The following ADAMTS2 variants were observed in gnomAD, a reference collection of about 807,000 sequenced individuals.
The protein encoded by ADAMTS2 is A disintegrin and metalloproteinase with thrombospondin motifs 2.
Under a neutral mutation model 123.0 loss-of-function variants are expected in ADAMTS2, and 50 were observed. The ratio of observed to expected loss-of-function variants is 0.41; its 90% CI spans 0.32 to 0.51. The LOEUF (loss-of-function observed/expected upper bound fraction) is 0.51. ADAMTS2 is among the 20% of genes least tolerant of loss of function. ADAMTS2 has a pLI of 0.35. For missense variants in ADAMTS2, 1,494 were observed against 1,705.2 expected (o/e 0.88, Z 2.18); for synonymous variants, 678 against 695.4 (o/e 0.98, Z 0.39).
intron 3 of ADAMTS2, 27 bp from the exon 4 acceptor site, chr5:179,207,742 C>A: frequency 3.7e-6 from 6 of 1,604,002 alleles, no homozygotes; most frequent in African/African-American, 1.3e-5. Flanking sequence ...CCGTCTTCAG[C>A]GGCAGGGCAA....
At chr5:179,280,455 A>G (rs764562154) in intron 2 of ADAMTS2, among the ~76,000 whole-genome samples, 2 of 152,174 alleles carry the variant, frequency 1.3e-5, no homozygotes, top group Non-Finnish European at 2.9e-5. Context: ...ATTACTGCTT[A>G]TCCTGTTTAT....
chr5:179,315,673 A>G (rs546173197), intron 2 of ADAMTS2, among the ~76,000 whole-genome samples: 2 of 152,300 alleles, frequency 1.3e-5, no homozygotes, highest in African/African-American at 4.8e-5. Flanking sequence ...TGAAACAACG[A>G]TCCTTCCAGA....
intron 3 of ADAMTS2, among the ~76,000 whole-genome samples, chr5:179,246,192 A>G (rs1325145045): frequency 2.6e-5 from 4 of 152,090 alleles, no homozygotes; most frequent in Non-Finnish European, 4.4e-5. Flanking sequence ...TAGGTTGCTG[A>G]TACCAACCTA....
At chr5:179,276,938 C>T (rs537922456) in intron 2 of ADAMTS2, among the ~76,000 whole-genome samples, 1 of 152,300 alleles carries the variant, frequency 6.6e-6, no homozygotes, top group East Asian at 1.9e-4. Flanking sequence ...ACTCTCTGGC[C>T]GGAGTAACCC....
At chr5:179,154,502 C>T (rs1198229104) in intron 7 of ADAMTS2, among the ~76,000 whole-genome samples, 1 of 152,236 alleles carries the variant, frequency 6.6e-6, no homozygotes, top group African/African-American at 2.4e-5. Context: ...AACCTCCGAG[C>T]CTCCTCTATA....
intron 4 of ADAMTS2, among the ~76,000 whole-genome samples, chr5:179,192,783 C>G (rs912668524): frequency 1.3e-5 from 2 of 152,238 alleles, no homozygotes; most frequent in African/African-American, 2.4e-5. Context: ...GCCTCGGGTG[C>G]TGTCCCATCC....
intron 5 of ADAMTS2, among the ~76,000 whole-genome samples, chr5:179,179,009 A>G (rs1763990009): frequency 6.6e-6 from 1 of 152,086 alleles, no homozygotes; most frequent in Non-Finnish European, 1.5e-5. Flanking sequence ...CAGTGGTGTG[A>G]TCTCAGCTCA....
Position 179,113,610 on chromosome 5 carries a change from A to G in ADAMTS2, c.*257T>C. On this transcript the variant is annotated 3_prime_UTR_variant, in exon 22 of 22. Coordinates refer to ENST00000251582, the MANE Select transcript of ADAMTS2 (RefSeq NM_014244.5). Reference sequence around the variant, plus strand: ...CCCTGCCCTCACTGAGGGAGGCCATACAGCCTCTATATTCCTCTCCACTGC... The same window carrying G: ...CCCTGCCCTCACTGAGGGAGGCCATGCAGCCTCTATATTCCTCTCCACTGC... 1.9e-6 allele frequency: 1 copy of G among 527,716 alleles called. No homozygotes were observed. The highest frequency in any genetic ancestry group is 3.4e-5 in the East Asian group (1 of 29,340). The allele number at this position is 527,716 out of a possible 1,614,324, so 32.7% of individuals were successfully genotyped here.
In ADAMTS2 at chr5:179,132,962, A is replaced by C; in HGVS notation, c.2086-62T>G. On this transcript the variant is annotated intron_variant, in intron 13 of 21. Coordinates refer to ENST00000251582, the MANE Select transcript of ADAMTS2 (RefSeq NM_014244.5). This position sits in a 1 kb window ranked among gnomAD's most constrained non-coding sequence, Gnocchi z 6.1. ...CTGCTAGTAGAGTCAGGGTCATACT[A>C]TGTTGCCCCCAGTCTCGAACACCTG... 2 of 1,586,964 alleles carry C rather than the reference A, an allele frequency of 1.3e-6. No homozygotes were observed. The highest frequency in any genetic ancestry group is 8.6e-7 in the Non-Finnish European group (1 of 1,167,806).
In ADAMTS2 at chr5:179,256,667, G is replaced by T. The variant is rs1581224317; in HGVS notation, c.688+16244C>A. On this transcript the variant is annotated intron_variant, in intron 3 of 21. Coordinates refer to ENST00000251582, the MANE Select transcript of ADAMTS2 (RefSeq NM_014244.5). The surrounding 1 kb of genome is among the most constrained non-coding windows in gnomAD (Gnocchi z 4.1). ...GGGGGGGCCAGGCACGAATCGGCAG[G>T]GAGGGAGGGGTTGTGTTCGCCCATC... Among the ~76,000 whole-genome samples, 1 of 152,304 alleles carries T rather than the reference G, an allele frequency of 6.6e-6. No individual in the cohort carries two copies. The highest frequency in any genetic ancestry group is 1.9e-4 in the East Asian group (1 of 5,170).
intron 1 of ADAMTS2, among the ~76,000 whole-genome samples, chr5:179,344,443 G>A (rs901718273): frequency 1.3e-5 from 2 of 152,176 alleles, no homozygotes; most frequent in East Asian, 3.9e-4. Flanking sequence ...CAGGGTTGGG[G>A]CTCGGTGGGA....
intron 3 of ADAMTS2, among the ~76,000 whole-genome samples, chr5:179,241,162 T>C (rs1293724637): frequency 6.6e-6 from 1 of 152,212 alleles, no homozygotes; most frequent in Admixed American, 6.5e-5. Flanking sequence ...GAGCGGAAGA[T>C]AGGAGTGAAC....
At position 179,158,982 on chromosome 5, in the gene ADAMTS2, C is replaced by T; in HGVS notation, c.976-103G>A. 6.9e-7 allele frequency: 1 copy of T among 1,454,500 alleles called. No homozygotes were observed. Among genetic ancestry groups the T allele is most frequent in the Non-Finnish European group, 9.3e-7 (1 of 1,070,650 alleles). 90.1% of individuals were successfully genotyped at this position (1,454,500 alleles called of 1,614,324 possible). Reference sequence around the variant, plus strand: ...TTGACAGACCCCATCCACTGGGAATCTGTTCCAGGTGGTACAAAGGCCCTG... The same window carrying T: ...TTGACAGACCCCATCCACTGGGAATTTGTTCCAGGTGGTACAAAGGCCCTG... On this transcript the variant is annotated intron_variant, in intron 5 of 21. Transcript: ENST00000251582. This position sits in a 1 kb window ranked among gnomAD's most constrained non-coding sequence, Gnocchi z 5.0.
chr5:179,256,633 A>C lies in ADAMTS2; in HGVS notation c.688+16278T>G, dbSNP rs542473365. ...CACTGCAAACCAGGCAGGCGGGGCCAGCATGAGTGGGGGGGCCAGGCACGA... is the reference window on the plus strand; with the variant it reads ...CACTGCAAACCAGGCAGGCGGGGCCCGCATGAGTGGGGGGGCCAGGCACGA... On this transcript the variant is annotated intron_variant, in intron 3 of 21. Transcript: ENST00000251582. The surrounding 1 kb of genome is among the most constrained non-coding windows in gnomAD (Gnocchi z 4.1). 6.6e-6 allele frequency among the ~76,000 whole-genome samples: 1 copy of C among 152,182 alleles called. No individual in the cohort carries two copies. Among genetic ancestry groups the C allele is most frequent in the African/African-American group, 2.4e-5 (1 of 41,428 alleles).
At chr5:179,149,214 G>T (rs1055741283) in intron 10 of ADAMTS2, among the ~76,000 whole-genome samples, 1 of 152,236 alleles carries the variant, frequency 6.6e-6, no homozygotes, top group African/African-American at 2.4e-5. Flanking sequence ...GCCCTCATGA[G>T]TGGGACTGAT....
intron 2 of ADAMTS2, among the ~76,000 whole-genome samples, chr5:179,300,747 C>CT (rs1756492403): frequency 6.6e-6 from 1 of 152,204 alleles, no homozygotes; most frequent in Non-Finnish European, 1.5e-5. Context: ...CAAAAGTGCA[C>CT]TTTAAGGCCA....
rs566284455 is a variant in ADAMTS2, at chr5:179,256,447, G to A, written c.688+16464C>T. Among the ~76,000 whole-genome samples, 18 of 152,282 alleles carry A rather than the reference G, an allele frequency of 1.2e-4. No individual in the cohort carries two copies. The East Asian group carries it at 3.1e-3, about 26-fold the overall frequency. On this transcript the variant is annotated intron_variant, in intron 3 of 21. Coordinates refer to ENST00000251582, the MANE Select transcript of ADAMTS2 (RefSeq NM_014244.5). The surrounding 1 kb of genome is among the most constrained non-coding windows in gnomAD (Gnocchi z 4.1). ...TCAGGGAAGCTCCTGGGTGCGGCTC[G>A]GTTCACTCCAGCATTTCCTACATGG...
intron 2 of ADAMTS2, among the ~76,000 whole-genome samples, chr5:179,333,156 A>G (rs991636397): frequency 3.3e-5 from 5 of 152,186 alleles, no homozygotes; most frequent in African/African-American, 1.2e-4. Context: ...AAGCCGGGCC[A>G]TGCCCACTGG....
At position 179,158,954 on chromosome 5, in the gene ADAMTS2, G is replaced by GTGTTGACACTACAC; in HGVS notation, c.976-76_976-75insGTGTAGTGTCAACA. The GTGTTGACACTACAC allele has an allele frequency of 6.4e-7, 1 of 1,554,236 alleles. No homozygotes were observed. Among genetic ancestry groups the GTGTTGACACTACAC allele is most frequent in the Non-Finnish European group, 8.7e-7 (1 of 1,144,628 alleles). ...CCAGTGGGGGGCCGAGCAGGCTGTA[G>GTGTTGACACTACAC]TGTTGACAGACCCCATCCACTGGGA... On this transcript the variant is annotated intron_variant, in intron 5 of 21. Coordinates refer to ENST00000251582, the MANE Select transcript of ADAMTS2 (RefSeq NM_014244.5). The surrounding 1 kb of genome is among the most constrained non-coding windows in gnomAD (Gnocchi z 5.0).
Sources: allele counts gnomAD v4.1 joint callset (sites outside exome capture counted in the v4.1 genomes callset), GRCh38; gene constraint gnomAD v4.1.1; non-coding constraint Gnocchi (gnomAD v3.1); transcripts MANE v1.5; gene names NCBI Gene and HGNC (gene_info 2026-07-23, HGNC 2026-07-21).